JMJD1C: variants seen among roughly 807,000 people sequenced by gnomAD.
The protein encoded by JMJD1C is jumonji domain containing 1C, also known as jumonji domain-containing protein 1C.
In JMJD1C, 31 loss-of-function variants were observed where a neutral mutation model predicts 245.3. The observed-to-expected ratio is 0.13, with a 90% CI of 0.09 to 0.17. The LOEUF (loss-of-function observed/expected upper bound fraction) is 0.17. Among genes scored for constraint, JMJD1C ranks in the 10% least tolerant of loss-of-function variants. The probability of loss-of-function intolerance (pLI) is 1.00; values close to 1 mark genes in which losing one functional copy is unlikely to be tolerated. For synonymous variants in JMJD1C, 1,057 were observed against 1,017.4 expected, an observed-to-expected ratio of 1.04 and a Z score of -0.74; for missense variants, 2,691 against 3,000.2, an observed-to-expected ratio of 0.90 and a Z score of 2.41.
rs72837026 is a variant in JMJD1C, at chr10:63,440,373, G to T, written c.168+25122C>A. Among the ~76,000 whole-genome samples, 427 of 145,426 alleles carry T rather than the reference G, an allele frequency of 2.9e-3. 1 individual carries two copies. The highest frequency in any genetic ancestry group is 9.3e-3 in the African/African-American group (376 of 40,222). On this transcript the variant is annotated intron_variant, in intron 1 of 25. Coordinates refer to ENST00000399262, the MANE Select transcript of JMJD1C (RefSeq NM_032776.3). ...AAAAAAATATATATATATAGAGAGA[G>T]AGAGAGAGAGAGAGAGCGCAAGCGT...
intron 1 of JMJD1C, among the ~76,000 whole-genome samples, chr10:63,413,455 C>T (rs1949608706): frequency 6.6e-6 from 1 of 152,020 alleles, no homozygotes; most frequent in African/African-American, 2.4e-5. Context: ...AGCAGAATTA[C>T]AAAATAGAGA....
chr10:63,277,214 A>G (rs1401828436), intron 2 of JMJD1C, among the ~76,000 whole-genome samples: 6 of 149,566 alleles, frequency 4.0e-5, no homozygotes, highest in African/African-American at 1.5e-4. Flanking sequence ...ATTTTTTTTA[A>G]TCAATGTTGA....
At chr10:63,424,864 C>T (rs1485988188) in intron 1 of JMJD1C, among the ~76,000 whole-genome samples, 3 of 152,160 alleles carry the variant, frequency 2.0e-5, no homozygotes, top group Non-Finnish European at 4.4e-5. Context: ...ACATTCAAAT[C>T]TGCAATGGGA....
intron 1 of JMJD1C, among the ~76,000 whole-genome samples, chr10:63,500,640 G>C (rs1006641617): frequency 6.6e-6 from 1 of 152,098 alleles, no homozygotes; most frequent in African/African-American, 2.4e-5. Context: ...GCAGAGGCAG[G>C]AGAATCGCTT....
intron 2 of JMJD1C, among the ~76,000 whole-genome samples, chr10:63,348,702 G>C (rs1944066353): frequency 6.6e-6 from 1 of 152,174 alleles, no homozygotes; most frequent in African/African-American, 2.4e-5. Context: ...TAGAGGTGGG[G>C]TCTAATTGGA....
intron 12 of JMJD1C, 61 bp downstream of exon 12, chr10:63,198,452 A>G: frequency 9.5e-7 from 1 of 1,056,726 alleles, no homozygotes; most frequent in Non-Finnish European, 1.4e-6. Flanking sequence ...CACAAACATA[A>G]TTCAAAGAGA....
intron 24 of JMJD1C, among the ~76,000 whole-genome samples, chr10:63,173,001 A>T (rs574030842): frequency 6.6e-5 from 10 of 151,316 alleles, no homozygotes; most frequent in Middle Eastern, 3.4e-3. Context: ...ACTGTTCCCA[A>T]AAAAGTAGCA....
At chr10:63,222,639 A>G in intron 3 of JMJD1C, 2 of 1,562,514 alleles carry the variant, frequency 1.3e-6, no homozygotes, top group Non-Finnish European at 1.8e-6. Flanking sequence ...GACATAATTA[A>G]AAGAAATAGA....
intron 2 of JMJD1C, among the ~76,000 whole-genome samples, chr10:63,330,400 T>C (rs137878256): frequency 6.9e-4 from 105 of 152,292 alleles, no homozygotes; most frequent in African/African-American, 2.3e-3. Context: ...AAATGGTATC[T>C]TTCTAGTTTA....
At chr10:63,293,311 C>T (rs9414787) in intron 2 of JMJD1C, among the ~76,000 whole-genome samples, 2,241 of 152,138 alleles carry the variant, frequency 0.015, 49 homozygotes, top group African/African-American at 0.051. Context: ...CAACAAATAC[C>T]TAGAGATAAG....
rs1554892789 is a variant in JMJD1C, at chr10:63,337,624, A to AAAAAGAAAAAGAAAAAG, written c.333+42693_333+42694insCTTTTTCTTTTTCTTTT. On this transcript the variant is annotated intron_variant, in intron 2 of 25. Coordinates refer to ENST00000399262, the MANE Select transcript of JMJD1C (RefSeq NM_032776.3). Reference sequence around the variant, plus strand: ...AAAAGAAAAGAAAAGAAAAGAAAAGAAAAAGAAAAGAAAAAAAATCCGCTA... The same window carrying AAAAAGAAAAAGAAAAAG: ...AAAAGAAAAGAAAAGAAAAGAAAAGAAAAAGAAAAAGAAAAAGAAAAGAAAAGAAAAAAAATCCGCTA... Among the ~76,000 whole-genome samples the AAAAAGAAAAAGAAAAAG allele has an allele frequency of 1.0e-4, 6 of 60,222 alleles. 2 individuals carry two copies. Among genetic ancestry groups the AAAAAGAAAAAGAAAAAG allele is most frequent in the African/African-American group, 4.4e-4 (6 of 13,524 alleles). The allele number at this position is 60,222 out of a possible 152,430, so 39.5% of individuals were successfully genotyped here.
At chr10:63,209,343 T>A (rs1005790348) in intron 8 of JMJD1C, 108 bp from the exon 9 acceptor site, 16 of 768,192 alleles carry the variant, frequency 2.1e-5, no homozygotes, top group Non-Finnish European at 3.0e-5. Flanking sequence ...TATTAGTTCA[T>A]TCAAATAGCA....
intron 1 of JMJD1C, among the ~76,000 whole-genome samples, chr10:63,482,050 C>A (rs2393978): frequency 0.66 from 100,319 of 152,028 alleles, 36,021 homozygotes; most frequent in Non-Finnish European, 0.81. Context: ...TATAGTAAGT[C>A]CCCACTTAAT....
Position 63,448,044 on chromosome 10 carries a change from T to TA in JMJD1C, c.168+17450dup, listed in dbSNP as rs772746280. 2.6e-5 allele frequency among the ~76,000 whole-genome samples: 4 copies of TA among 152,100 alleles called. No individual in the cohort carries two copies. The East Asian group carries it at 5.8e-4, about 22-fold the overall frequency. ...TTATTGCTTTTGTCCTATGTAAAAATAAAAAAAGACATTAACAGACCATAA... is the reference window on the plus strand; with the variant it reads ...TTATTGCTTTTGTCCTATGTAAAAATAAAAAAAAGACATTAACAGACCATAA... On this transcript the variant is annotated intron_variant, in intron 1 of 25. Coordinates refer to ENST00000399262, the MANE Select transcript of JMJD1C (RefSeq NM_032776.3).
At position 63,215,041 on chromosome 10, in the gene JMJD1C, A is replaced by T. The variant is rs766710735; in HGVS notation, c.1126T>A (p.Ser376Thr). The T allele has an allele frequency of 1.9e-6, 3 of 1,608,078 alleles. No homozygotes were observed. In the South Asian group the frequency reaches 3.4e-5, roughly 18 times the overall value. ...GAATTTTCTGAGTCACTGCTCTCAG[A>T]AAAGTCTGAAACATTGTCAGTTCGA... The part of the protein sequence containing the change: ...RLRTDNVSDF[S>T]ESSDSENSNK... Residue 376 changes from serine to threonine, a missense_variant, in exon 8 of 26, where the codon TCT (serine) becomes ACT (threonine). Physicochemically the swap from Ser to Thr is moderately conservative, Grantham distance 58. Coordinates refer to ENST00000399262, the MANE Select transcript of JMJD1C (RefSeq NM_032776.3).
At chr10:63,388,212 C>G (rs1320054200) in intron 1 of JMJD1C, among the ~76,000 whole-genome samples, 1 of 151,974 alleles carries the variant, frequency 6.6e-6, no homozygotes, top group East Asian at 1.9e-4. Flanking sequence ...AAGTCAAAGA[C>G]AGAGAATTCT....
chr10:63,431,989 C>A (rs969175337), intron 1 of JMJD1C, among the ~76,000 whole-genome samples: 1 of 152,014 alleles, frequency 6.6e-6, no homozygotes, highest in Non-Finnish European at 1.5e-5. Context: ...TCCAGCCTGG[C>A]GACAGAGCAA....
rs757794339 is a variant in JMJD1C at position 63,213,552 on chromosome 10, G to T, written c.2615C>A (p.Ala872Glu). 2.5e-6 allele frequency: 4 copies of T among 1,613,510 alleles called. No homozygotes were observed. The highest frequency in any genetic ancestry group is 3.4e-6 in the Non-Finnish European group (4 of 1,179,536). ...IIWQYPNGTH[A>E]YSGLGLPSSK... is the part of the protein sequence containing the mutation. ...AGAAGGCAAACCAAGTCCTGAGTAT[G>T]CATGTGTTCCATTTGGATACTGCCA... Residue 872 changes from alanine to glutamate, a missense_variant, in exon 8 of 26, where the codon GCA becomes GAA. Coordinates refer to ENST00000399262, the MANE Select transcript of JMJD1C (RefSeq NM_032776.3).
intron 1 of JMJD1C, among the ~76,000 whole-genome samples, chr10:63,413,076 T>C (rs144433748): frequency 9.2e-5 from 14 of 152,294 alleles, no homozygotes; most frequent in East Asian, 3.9e-4. Flanking sequence ...TAAATTCCTA[T>C]TGAAAGACTA....
Sources: gnomAD v4.1 joint callset for allele counts (sites outside exome capture counted in the v4.1 genomes callset) on GRCh38, gnomAD v4.1.1 for gene constraint, MANE v1.5 for transcripts, NCBI Gene and HGNC (gene_info 2026-07-23, HGNC 2026-07-21) for gene names.